LMO3: variants seen among roughly 807,000 people sequenced by gnomAD.
LMO3 encodes LIM domain only protein 3.
A neutral mutation model predicts 15.8 loss-of-function variants in LMO3; 2 were observed. The ratio of observed to expected loss-of-function variants is 0.13; its 90% CI spans 0.05 to 0.40. LMO3 has a LOEUF of 0.40. Ranked by LOEUF, LMO3 falls within the 10% of genes least tolerant of loss-of-function variation. LMO3 has a pLI of 0.99. For synonymous variants in LMO3, 62 were observed against 63.8 expected (o/e 0.97, Z 0.13); for missense variants, 86 against 182.2 (o/e 0.47, Z 3.04).
At chr12:16,600,906 AC>A (rs750147526) in intron 1 of LMO3, 38 bp from the exon 2 acceptor site, 3 of 1,436,212 alleles carry the variant, frequency 2.1e-6, no homozygotes, top group Non-Finnish European at 2.9e-6. Flanking sequence ...AGCTGAGACT[AC>A]CAGACAGAAT....
intron 3 of LMO3, among the ~76,000 whole-genome samples, chr12:16,558,782 G>T (rs1249570175): frequency 3.9e-5 from 6 of 152,094 alleles, no homozygotes; most frequent in African/African-American, 1.4e-4. Context: ...GGAAAGTCAA[G>T]TTAATGGAAT....
At position 16,587,049 on chromosome 12, in the gene LMO3, T is replaced by A. The variant is rs2137585377; in HGVS notation, c.206+13606A>T. Among the ~76,000 whole-genome samples the A allele has an allele frequency of 6.6e-6, 1 of 152,326 alleles. No individual in the cohort carries two copies. The highest frequency in any genetic ancestry group is 6.5e-5 in the Admixed American group (1 of 15,290). On this transcript the variant is annotated intron_variant, in intron 2 of 3. Coordinates refer to ENST00000537304, the MANE Select transcript of LMO3 (RefSeq NM_018640.5). The surrounding 1 kb of genome is among the most constrained non-coding windows in gnomAD (Gnocchi z 4.3). ...CGTCACATCTCATATTTGGTTATTT[T>A]CCTTCTCAAAAGGTCTTGTTACAAA...
At chr12:16,565,837 T>C (rs1456942935) in intron 2 of LMO3, among the ~76,000 whole-genome samples, 1 of 151,064 alleles carries the variant, frequency 6.6e-6, no homozygotes, top group African/African-American at 2.4e-5. Flanking sequence ...GCAATCCCAC[T>C]ACTGGATTAA....
At chr12:16,583,564 T>C (rs768127675) in intron 2 of LMO3, among the ~76,000 whole-genome samples, 7 of 152,128 alleles carry the variant, frequency 4.6e-5, no homozygotes, top group Non-Finnish European at 7.4e-5. Flanking sequence ...CTCATTCCCA[T>C]AGATGGGATA....
At chr12:16,605,284 AAG>A (rs1943950559) in intron 1 of LMO3, 2 of 1,191,822 alleles carry the variant, frequency 1.7e-6, no homozygotes, top group African/African-American at 3.1e-5. Flanking sequence ...CAATATGAAA[AAG>A]ATCATAAATC....
intron 2 of LMO3, among the ~76,000 whole-genome samples, chr12:16,592,729 G>A (rs1943532350): frequency 1.3e-5 from 2 of 151,874 alleles, no homozygotes; most frequent in African/African-American, 4.8e-5. Flanking sequence ...AAATGTAACA[G>A]TCTTGATTCT....
intron 2 of LMO3, among the ~76,000 whole-genome samples, chr12:16,588,303 A>G (rs914269925): frequency 5.9e-5 from 9 of 152,084 alleles, no homozygotes; most frequent in Admixed American, 1.3e-4. Context: ...ATAAAGATAT[A>G]TAATCAAATT....
chr12:16,554,788 C>G (rs1565480142), intron 3 of LMO3, among the ~76,000 whole-genome samples: 1 of 152,186 alleles, frequency 6.6e-6, no homozygotes, highest in Non-Finnish European at 1.5e-5. Context: ...TCCCCAGTAG[C>G]TCTGACTACA....
At chr12:16,566,109 G>C (rs1942602096) in intron 2 of LMO3, among the ~76,000 whole-genome samples, 1 of 144,276 alleles carries the variant, frequency 6.9e-6, no homozygotes, top group African/African-American at 2.6e-5. Flanking sequence ...GATGAACCTG[G>C]AGGGCATCAT....
chr12:16,576,618 G>T lies in LMO3; in HGVS notation c.207-16080C>A, dbSNP rs901279500. On this transcript the variant is annotated intron_variant, in intron 2 of 3. Transcript: ENST00000537304. This position sits in a 1 kb window ranked among gnomAD's most constrained non-coding sequence, Gnocchi z 4.1. The stretch of plus-strand genomic sequence containing the variant: ...TTGTCTCTTTCTCACTACATAATAA[G>T]CTCCCTGAAAACTTGCCTTCTCCTT... Among the ~76,000 whole-genome samples, 1 of 151,984 alleles carries T rather than the reference G, an allele frequency of 6.6e-6. No individual in the cohort carries two copies. Among genetic ancestry groups the T allele is most frequent in the Non-Finnish European group, 1.5e-5 (1 of 67,992 alleles).
chr12:16,570,102 G>T (rs1942763716), intron 2 of LMO3, among the ~76,000 whole-genome samples: 1 of 152,080 alleles, frequency 6.6e-6, no homozygotes, highest in South Asian at 2.1e-4. Flanking sequence ...AATGCTAATT[G>T]GAATATGCTT....
At chr12:16,561,126 T>C (rs1942390318) in intron 2 of LMO3, among the ~76,000 whole-genome samples, 1 of 152,162 alleles carries the variant, frequency 6.6e-6, no homozygotes, top group Admixed American at 6.5e-5. Context: ...GTAAACTATA[T>C]ATAGCTAGAC....
At chr12:16,600,534 G>T in intron 2 of LMO3, 121 bp downstream of exon 2, 1 of 802,636 alleles carries the variant, frequency 1.2e-6, no homozygotes, top group Non-Finnish European at 2.0e-6. Flanking sequence ...AGGCTGACAG[G>T]TAACTTCTTT....
intron 2 of LMO3, among the ~76,000 whole-genome samples, chr12:16,594,530 A>C (rs1943590206): frequency 6.6e-6 from 1 of 151,536 alleles, no homozygotes; most frequent in Admixed American, 6.6e-5. Flanking sequence ...ACATTGGCTA[A>C]TTTTTTCAGA....
chr12:16,564,992 G>T (rs1427811694), intron 2 of LMO3, among the ~76,000 whole-genome samples: 1 of 152,066 alleles, frequency 6.6e-6, no homozygotes, highest in Non-Finnish European at 1.5e-5. Context: ...GTCTCTCTCT[G>T]TTGCCCAGGC....
rs559106741 is a variant in LMO3 at position 16,605,457 on chromosome 12, G to A, written c.-9+609C>T. 8 of 521,998 alleles carry A rather than the reference G, an allele frequency of 1.5e-5. No individual in the cohort carries two copies. In the South Asian group the frequency reaches 6.5e-4, roughly 42 times the overall value. The allele number at this position is 521,998 out of a possible 1,614,324, so 32.3% of individuals were successfully genotyped here. On this transcript the variant is annotated intron_variant, in intron 1 of 3. Transcript: ENST00000537304. Reference sequence around the variant, plus strand: ...GCCTGCCCCCCCCCCCCGCCCCCATGCCCAAACACAGCCACTTTTCCACGG... The same window carrying A: ...GCCTGCCCCCCCCCCCCGCCCCCATACCCAAACACAGCCACTTTTCCACGG...
rs781167969 is a variant in LMO3 at position 16,584,903 on chromosome 12, G to A, written c.206+15752C>T. Among the ~76,000 whole-genome samples the A allele has an allele frequency of 6.6e-5, 10 of 152,112 alleles. No individual in the cohort carries two copies. Among genetic ancestry groups the A allele is most frequent in the Non-Finnish European group, 1.0e-4 (7 of 68,024 alleles). ...AGGAAATATTTTCAAACACCTTAGC[G>A]AACTGTACACATTAAAGGGCCTGAT... On this transcript the variant is annotated intron_variant, in intron 2 of 3. Transcript: ENST00000537304. The surrounding 1 kb of genome is among the most constrained non-coding windows in gnomAD (Gnocchi z 5.2).
At chr12:16,581,397 G>A (rs781370551) in intron 2 of LMO3, among the ~76,000 whole-genome samples, 2 of 152,146 alleles carry the variant, frequency 1.3e-5, no homozygotes, top group Non-Finnish European at 2.9e-5. Flanking sequence ...CCAAGGGCTA[G>A]AGGAGATTAC....
At chr12:16,602,822 A>G (rs917863035) in intron 1 of LMO3, among the ~76,000 whole-genome samples, 3 of 152,178 alleles carry the variant, frequency 2.0e-5, no homozygotes, top group African/African-American at 7.2e-5. Flanking sequence ...TCTAGGGGGA[A>G]GGGGAAGTTT....
Sources: allele counts gnomAD v4.1 joint callset (sites outside exome capture counted in the v4.1 genomes callset), GRCh38; gene constraint gnomAD v4.1.1; non-coding constraint Gnocchi (gnomAD v3.1); transcripts MANE v1.5; gene names NCBI Gene and HGNC (gene_info 2026-07-23, HGNC 2026-07-21).